The following ASIC2 variants were observed in gnomAD, a reference collection of about 807,000 sequenced individuals.
ASIC2 encodes the protein acid-sensing ion channel 2.
In ASIC2, 25 loss-of-function variants were observed where a neutral mutation model predicts 57.3. The ratio of observed to expected loss-of-function variants is 0.44; its 90% CI spans 0.32 to 0.61. The LOEUF (loss-of-function observed/expected upper bound fraction) is 0.61, where lower values mean the gene tolerates loss of function less well. Among genes scored for constraint, ASIC2 ranks in the 20% least tolerant of loss-of-function variants. The pLI is 0.06. For synonymous variants in ASIC2, 319 were observed against 307.5 expected (o/e 1.04, Z -0.39); for missense variants, 641 against 738.1 (o/e 0.87, Z 1.52).
chr17:33,672,741 T>A (rs1907678061), intron 1 of ASIC2, among the ~76,000 whole-genome samples: 1 of 152,264 alleles, frequency 6.6e-6, no homozygotes, highest in Non-Finnish European at 1.5e-5. Context: ...AAGTTCTCCT[T>A]ATAGGACCTG....
intron 1 of ASIC2, among the ~76,000 whole-genome samples, chr17:33,490,585 C>T (rs914000886): frequency 1.5e-4 from 23 of 152,168 alleles, no homozygotes; most frequent in Admixed American, 9.2e-4. Context: ...TTTTATAAAG[C>T]GGGGTCTCCT....
intron 1 of ASIC2, among the ~76,000 whole-genome samples, chr17:33,637,107 G>GA (rs1269781342): frequency 6.6e-6 from 1 of 151,634 alleles, no homozygotes; most frequent in African/African-American, 2.4e-5. Flanking sequence ...AGCTCCCTTA[G>GA]AAAAAAAGCT....
At chr17:34,121,939 G>A (rs1911633032) in intron 1 of ASIC2, among the ~76,000 whole-genome samples, 1 of 152,096 alleles carries the variant, frequency 6.6e-6, no homozygotes, top group Admixed American at 6.5e-5. Context: ...CTCCTATGAT[G>A]CCCTTCTCTG....
rs1422565207 is a variant in ASIC2, at chr17:33,293,154, G to T, written c.-1039C>A. ...CTCTCGAGACTCCGAGCTCGCGGTG[G>T]CCGTGACGCCGGCTAAGCTCCTTCC... On this transcript the variant is annotated 5_prime_UTR_variant, in exon 1 of 10. Coordinates refer to ENST00000225823, the MANE Select transcript of ASIC2 (RefSeq NM_183377.2). 6.6e-6 allele frequency among the ~76,000 whole-genome samples: 1 copy of T among 152,350 alleles called. No individual in the cohort carries two copies. The highest frequency in any genetic ancestry group is 1.9e-4 in the East Asian group (1 of 5,172).
At chr17:34,017,473 C>T (rs762771172) in intron 1 of ASIC2, among the ~76,000 whole-genome samples, 8 of 152,170 alleles carry the variant, frequency 5.3e-5, no homozygotes, top group Non-Finnish European at 7.3e-5. Context: ...AAGAGCAACA[C>T]ATTTCTGACT....
intron 1 of ASIC2, among the ~76,000 whole-genome samples, chr17:33,868,238 A>C (rs1914298494): frequency 6.6e-6 from 1 of 152,004 alleles, no homozygotes; most frequent in African/African-American, 2.4e-5. Flanking sequence ...GATAATAAAT[A>C]TTTCAGACTT....
rs183503094 is a variant in ASIC2 at position 33,959,572 on chromosome 17, A to T, written c.555+196406T>A. 1.7e-4 allele frequency among the ~76,000 whole-genome samples: 26 copies of T among 152,324 alleles called. No individual in the cohort carries two copies. In the East Asian group the frequency reaches 4.6e-3, roughly 27 times the overall value. Reference sequence around the variant, plus strand: ...GAGCCCCTGGCTGACCACTGGTGTAAGTCCAAGAGTCCAAAAGCTGAAGAA... The same window carrying T: ...GAGCCCCTGGCTGACCACTGGTGTATGTCCAAGAGTCCAAAAGCTGAAGAA... On this transcript the variant is annotated intron_variant, in intron 1 of 9. Transcript: ENST00000359872.
chr17:33,523,987 GTC>G (rs1443762104), intron 1 of ASIC2, among the ~76,000 whole-genome samples: 8 of 152,274 alleles, frequency 5.3e-5, no homozygotes, highest in African/African-American at 1.9e-4. Flanking sequence ...GGGCCTTCTT[GTC>G]TCTTTCAGTC....
intron 1 of ASIC2, among the ~76,000 whole-genome samples, chr17:33,830,097 T>C (rs1913057358): frequency 6.6e-6 from 1 of 152,192 alleles, no homozygotes; most frequent in Non-Finnish European, 1.5e-5. Flanking sequence ...AAATAAATTA[T>C]ATTCCACTTA....
intron 1 of ASIC2, among the ~76,000 whole-genome samples, chr17:33,479,204 G>A (rs1913323634): frequency 6.6e-6 from 1 of 151,992 alleles, no homozygotes; most frequent in African/African-American, 2.4e-5. Flanking sequence ...TCTACATATT[G>A]GTCAGGCTGG....
chr17:33,241,535 C>T (rs569763961), intron 1 of ASIC2, among the ~76,000 whole-genome samples: 10 of 152,340 alleles, frequency 6.6e-5, no homozygotes, highest in African/African-American at 1.9e-4. Flanking sequence ...TAGATACAAA[C>T]CATGCCTCAT....
intron 1 of ASIC2, among the ~76,000 whole-genome samples, chr17:33,403,019 A>T (rs1479254310): frequency 6.6e-6 from 1 of 152,188 alleles, no homozygotes; most frequent in Non-Finnish European, 1.5e-5. Flanking sequence ...GGTGGGATCA[A>T]TCGTGACTTT....
intron 3 of ASIC2, among the ~76,000 whole-genome samples, chr17:33,063,217 C>T (rs193035443): frequency 1.3e-5 from 2 of 152,218 alleles, no homozygotes; most frequent in East Asian, 1.9e-4. Flanking sequence ...ATGTTAGCTG[C>T]TTATTTTGCT....
At chr17:33,756,538 C>T (rs1910609526) in intron 1 of ASIC2, among the ~76,000 whole-genome samples, 1 of 149,838 alleles carries the variant, frequency 6.7e-6, no homozygotes, top group South Asian at 2.1e-4. Context: ...CACTGTCCTG[C>T]CACCTGCACA....
chr17:33,259,035 G>A (rs747735971), intron 1 of ASIC2, among the ~76,000 whole-genome samples: 1 of 152,164 alleles, frequency 6.6e-6, no homozygotes, highest in Non-Finnish European at 1.5e-5. Flanking sequence ...CAGAAAGGAA[G>A]GGGTTCCTTT....
At chr17:33,057,150 G>T (rs990004224) in intron 3 of ASIC2, among the ~76,000 whole-genome samples, 5 of 152,164 alleles carry the variant, frequency 3.3e-5, no homozygotes, top group African/African-American at 1.2e-4. Flanking sequence ...AGGGAGGCTT[G>T]TTAGAAATGC....
intron 1 of ASIC2, among the ~76,000 whole-genome samples, chr17:33,514,390 C>A (rs1567636090): frequency 6.6e-6 from 1 of 152,076 alleles, no homozygotes; most frequent in Non-Finnish European, 1.5e-5. Flanking sequence ...CTCTTCCACA[C>A]CCCCCTCAAC....
At chr17:33,567,213 G>A (rs1009661249) in intron 1 of ASIC2, among the ~76,000 whole-genome samples, 7 of 152,060 alleles carry the variant, frequency 4.6e-5, no homozygotes, top group Non-Finnish European at 5.9e-5. Context: ...ATCTGAAAGC[G>A]GTGAGAGAGT....
intron 1 of ASIC2, chr17:34,041,410 T>C (rs556015688): frequency 5.3e-5 from 8 of 152,350 alleles, no homozygotes; most frequent in African/African-American, 1.9e-4. Flanking sequence ...TTTTTCTTCT[T>C]TGAGCATCTA....
Sources: gnomAD v4.1 joint callset for allele counts (sites outside exome capture counted in the v4.1 genomes callset) on GRCh38, gnomAD v4.1.1 for gene constraint, MANE v1.5 for transcripts, NCBI Gene and HGNC (gene_info 2026-07-23, HGNC 2026-07-21) for gene names.